Variants in RIMS2 observed in about 807,000 individuals in gnomAD.
The protein encoded by RIMS2 is regulating synaptic membrane exocytosis 2, also known as regulating synaptic membrane exocytosis protein 2.
A neutral mutation model predicts 174.4 loss-of-function variants in RIMS2; 59 were observed. The ratio of observed to expected loss-of-function variants is 0.34; its 90% CI spans 0.27 to 0.42. The LOEUF (loss-of-function observed/expected upper bound fraction) is 0.42, where lower values mean the gene tolerates loss of function less well. RIMS2 is among the 10% of genes least tolerant of loss of function. RIMS2 has a pLI of 1.00. For synonymous variants in RIMS2, 606 were observed against 572.5 expected (o/e 1.06, Z -0.84); for missense variants, 1,620 against 1,666.3 (o/e 0.97, Z 0.48).
chr8:103,638,546 T>G (rs1442652590), intron 1 of RIMS2, among the ~76,000 whole-genome samples: 1 of 152,086 alleles, frequency 6.6e-6, no homozygotes, highest in Non-Finnish European at 1.5e-5. Context: ...CATATGGGGT[T>G]TTTGTTCGTC....
intron 1 of RIMS2, among the ~76,000 whole-genome samples, chr8:103,644,441 A>G (rs1454208064): frequency 6.6e-6 from 1 of 152,064 alleles, no homozygotes; most frequent in Non-Finnish European, 1.5e-5. Context: ...CAGATTGGAA[A>G]CTAGAATCTC....
chr8:103,761,958 G>T (rs1256484227), intron 2 of RIMS2, among the ~76,000 whole-genome samples: 2 of 150,892 alleles, frequency 1.3e-5, no homozygotes, highest in Admixed American at 1.3e-4. Flanking sequence ...CTGTTTAGAA[G>T]AAAATCATAG....
chr8:103,652,522 T>G (rs1328555290), intron 1 of RIMS2, 102 bp from the exon 3 acceptor site: 1 of 544,666 alleles, frequency 1.8e-6, no homozygotes, highest in African/African-American at 2.0e-5. Context: ...TACCATTGGC[T>G]GTAGCTTTTG....
intron 13 of RIMS2, among the ~76,000 whole-genome samples, chr8:103,939,968 G>T (rs997733931): frequency 5.9e-5 from 9 of 152,080 alleles, no homozygotes; most frequent in African/African-American, 1.7e-4. Flanking sequence ...AGCATTTTGG[G>T]CAAAGTCATT....
chr8:103,539,572 T>G (rs1841550293), intron 1 of RIMS2, among the ~76,000 whole-genome samples: 1 of 152,210 alleles, frequency 6.6e-6, no homozygotes, highest in Non-Finnish European at 1.5e-5. Flanking sequence ...GTATGAGCTA[T>G]ATTGTTGAAA....
chr8:103,556,625 G>A (rs1342751609), intron 1 of RIMS2, among the ~76,000 whole-genome samples: 1 of 152,080 alleles, frequency 6.6e-6, no homozygotes, highest in Non-Finnish European at 1.5e-5. Context: ...GTTAAGGCTG[G>A]CATAATGCTG....
At chr8:103,779,904 A>T (rs1003521734) in intron 3 of RIMS2, among the ~76,000 whole-genome samples, 11 of 122,834 alleles carry the variant, frequency 9.0e-5, no homozygotes, top group African/African-American at 2.6e-4. Flanking sequence ...AGGTATAATT[A>T]AAAAAAAAAA....
chr8:104,065,125 G>A (rs564488385), intron 19 of RIMS2, among the ~76,000 whole-genome samples: 90 of 152,084 alleles, frequency 5.9e-4, no homozygotes, highest in African/African-American at 2.1e-3. Context: ...AGTGTTCTGT[G>A]GTCAAGTGGT....
rs547673400 is a variant in RIMS2, at chr8:103,608,402, A to C, written c.177-88684A>C. Among the ~76,000 whole-genome samples, 5 of 144,310 alleles carry C rather than the reference A, an allele frequency of 3.5e-5. 1 individual carries two copies. The highest frequency in any genetic ancestry group is 1.3e-4 in the African/African-American group (5 of 37,694). 94.7% of individuals were successfully genotyped at this position (144,310 alleles called of 152,430 possible). On this transcript the variant is annotated intron_variant, in intron 1 of 23. Transcript: ENST00000504942. ...AACCACTGCTCTCTTCAAAGCTGTCAGACAGGGACATTTAAGTCTGCAGAG... is the reference window on the plus strand; with the variant it reads ...AACCACTGCTCTCTTCAAAGCTGTCCGACAGGGACATTTAAGTCTGCAGAG...
chr8:104,113,429 C>T (rs1382353146), intron 19 of RIMS2, among the ~76,000 whole-genome samples: 1 of 152,076 alleles, frequency 6.6e-6, no homozygotes, highest in Non-Finnish European at 1.5e-5. Context: ...CAAATCCTAC[C>T]TGCCTATAAC....
chr8:103,592,138 A>C (rs1418989984), intron 1 of RIMS2, among the ~76,000 whole-genome samples: 1 of 151,168 alleles, frequency 6.6e-6, no homozygotes, highest in Non-Finnish European at 1.5e-5. Flanking sequence ...TTAAAGGAGA[A>C]TATTTTGAGA....
intron 2 of RIMS2, among the ~76,000 whole-genome samples, chr8:103,756,676 C>T (rs568111888): frequency 6.6e-6 from 1 of 152,180 alleles, no homozygotes; most frequent in African/African-American, 2.4e-5. Context: ...TCTGCCCACT[C>T]AGCCTTCCAA....
intron 19 of RIMS2, among the ~76,000 whole-genome samples, chr8:104,028,242 T>C (rs1371088164): frequency 6.6e-6 from 1 of 152,148 alleles, no homozygotes; most frequent in Non-Finnish European, 1.5e-5. Flanking sequence ...TGATGAAGAC[T>C]AGCTAGAATA....
Position 103,607,592 on chromosome 8 carries a change from G to C in RIMS2, c.177-89494G>C, listed in dbSNP as rs550086998. Among the ~76,000 whole-genome samples the C allele has an allele frequency of 4.5e-3, 661 of 146,140 alleles. 28 individuals are homozygous for C. Among genetic ancestry groups the C allele is most frequent in the Admixed American group, 0.036 (530 of 14,900 alleles). Reference sequence around the variant, plus strand: ...ATTCTCCTGGATAATATCCTGCAGAGTGTTTTCCAACTTGGTTCCATTCTC... The same window carrying C: ...ATTCTCCTGGATAATATCCTGCAGACTGTTTTCCAACTTGGTTCCATTCTC... On this transcript the variant is annotated intron_variant, in intron 1 of 23. Transcript: ENST00000504942.
intron 19 of RIMS2, among the ~76,000 whole-genome samples, chr8:104,164,600 A>G (rs12682011): frequency 0.43 from 65,934 of 152,008 alleles, 14,809 homozygotes; most frequent in East Asian, 0.63. Flanking sequence ...GTACATATAT[A>G]CCATGGAATA....
At chr8:103,696,963 T>G in intron 1 of RIMS2, 123 bp from the exon 4 acceptor site, 1 of 632,310 alleles carries the variant, frequency 1.6e-6, no homozygotes, top group East Asian at 2.8e-5. Context: ...AAATTAAATT[T>G]TCATTCTTTT....
At chr8:103,516,062 C>T (rs1828823413) in intron 1 of RIMS2, among the ~76,000 whole-genome samples, 2 of 151,936 alleles carry the variant, frequency 1.3e-5, no homozygotes, top group Admixed American at 6.6e-5. Flanking sequence ...TTTGGTTCAT[C>T]GATTTCAAAT....
intron 14 of RIMS2, among the ~76,000 whole-genome samples, chr8:103,960,022 A>C (rs1000965865): frequency 5.3e-5 from 8 of 150,272 alleles, no homozygotes; most frequent in Non-Finnish European, 1.0e-4. Context: ...ACTGAAGGAG[A>C]TAGAGACACA....
intron 1 of RIMS2, among the ~76,000 whole-genome samples, chr8:103,556,663 C>CA (rs1850590651): frequency 6.6e-6 from 1 of 152,080 alleles, no homozygotes; most frequent in East Asian, 1.9e-4. Flanking sequence ...TCATAGAACT[C>CA]AGAGAGTATT....
Sources: allele counts gnomAD v4.1 joint callset (sites outside exome capture counted in the v4.1 genomes callset), GRCh38; gene constraint gnomAD v4.1.1; transcripts MANE v1.5; gene names NCBI Gene and HGNC (gene_info 2026-07-23, HGNC 2026-07-21).